The following CDH5 variants were observed in gnomAD, a reference collection of about 807,000 sequenced individuals.
CDH5 encodes the protein cadherin-5.
Under a neutral mutation model 62.0 loss-of-function variants are expected in CDH5, and 28 were observed. The ratio of observed to expected loss-of-function variants is 0.45; its 90% CI spans 0.33 to 0.62. CDH5 has a LOEUF of 0.62. Ranked by LOEUF, CDH5 falls within the 20% of genes least tolerant of loss-of-function variation. CDH5 has a pLI of 0.02. For synonymous variants in CDH5, 464 were observed against 445.8 expected, an observed-to-expected ratio of 1.04 and a Z score of -0.52; for missense variants, 940 against 1,065.1, an observed-to-expected ratio of 0.88 and a Z score of 1.63.
chr16:66,385,765 A>T (rs2344565), intron 2 of CDH5, among the ~76,000 whole-genome samples: 8 of 152,304 alleles, frequency 5.3e-5, no homozygotes, highest in Admixed American at 3.3e-4. Flanking sequence ...CAAAACAATT[A>T]GGAAGCGATG....
rs768449321 is a variant in CDH5, at chr16:66,403,211, C to T, written c.*42C>T. 4.8e-5 allele frequency: 75 copies of T among 1,548,216 alleles called. No individual in the cohort carries two copies. Among genetic ancestry groups the T allele is most frequent in the Non-Finnish European group, 6.3e-5 (72 of 1,146,642 alleles). ...TGGGCCTGGGGACCCAAACCCCCTG[C>T]AGCCCAGGCCAGTCAGACGCCAGGC... On this transcript the variant is annotated 3_prime_UTR_variant, in exon 12 of 12. Coordinates refer to ENST00000341529, the MANE Select transcript of CDH5 (RefSeq NM_001795.5). This position sits in a 1 kb window ranked among gnomAD's most constrained non-coding sequence, Gnocchi z 4.3.
rs199968343 is a variant in CDH5, at chr16:66,398,135, G to A, written c.1485+29G>A. On this transcript the variant is annotated intron_variant, in intron 9 of 11. Transcript: ENST00000341529. The stretch of plus-strand genomic sequence containing the variant: ...AGTCTGGTTCAGGTGGGAGGGGAAG[G>A]CAGCACCACCCTGGGGCAGGCTGGG... 559 of 1,613,948 alleles carry A rather than the reference G, an allele frequency of 3.5e-4. 3 individuals carry two copies. The highest frequency in any genetic ancestry group is 2.4e-3 in the South Asian group (215 of 91,074).
chr16:66,400,637 G>T, intron 10 of CDH5, 134 bp from the exon 11 acceptor site: 1 of 985,278 alleles, frequency 1.0e-6, no homozygotes, highest in East Asian at 2.4e-5. Flanking sequence ...AACAAGAGGC[G>T]CTGGGTGCAA....
rs112140637 is a variant in CDH5 at position 66,388,415 on chromosome 16, A to G, written c.591A>G (p.Lys197=). ...TCATGTACCAAATCCTGAAGGGGAAAGAGTATTTTGCCATCGATAATTCTG... is the reference window on the plus strand; with the variant it reads ...TCATGTACCAAATCCTGAAGGGGAAGGAGTATTTTGCCATCGATAATTCTG... ...ASVMYQILKG[K]EYFAIDNSGR... is the part of the protein sequence containing the mutation. Residue 197 remains lysine, a synonymous_variant, in exon 4 of 12, where the codon AAA becomes AAG. Transcript: ENST00000341529. 0.012 allele frequency: 19,274 copies of G among 1,612,532 alleles called. 241 individuals carry two copies. Among genetic ancestry groups the G allele is most frequent in the South Asian group, 0.042 (3,811 of 91,038 alleles).
chr16:66,393,733 T>C (rs1469023046), intron 7 of CDH5, among the ~76,000 whole-genome samples: 1 of 152,264 alleles, frequency 6.6e-6, no homozygotes, highest in Admixed American at 6.5e-5. Context: ...TTATTTGATA[T>C]AATTTTTTGT....
At position 66,392,131 on chromosome 16, in the gene CDH5, C is replaced by T. The variant is rs202090276; in HGVS notation, c.970-5C>T. The T allele has an allele frequency of 1.5e-5, 25 of 1,614,042 alleles. No homozygotes were observed. Among genetic ancestry groups the T allele is most frequent in the African/African-American group, 5.3e-5 (4 of 75,064 alleles). ...AGGCACTCACCATCCTTTTTCCTTA[C>T]GCAGCCTCTGGATTATGAATACATC... is the stretch of plus-strand genomic sequence containing the variant. On this transcript the variant is annotated splice_region_variant and splice_polypyrimidine_tract_variant and intron_variant, in intron 6 of 11. Transcript: ENST00000341529.
At chr16:66,383,155 A>G (rs1960926465) in intron 2 of CDH5, among the ~76,000 whole-genome samples, 1 of 152,198 alleles carries the variant, frequency 6.6e-6, no homozygotes, top group Non-Finnish European at 1.5e-5. Flanking sequence ...GCACTTAAAG[A>G]AACATGACAC....
chr16:66,400,842 G>A lies in CDH5; in HGVS notation c.1663G>A (p.Val555Met), dbSNP rs780362096. 48 of 1,614,178 alleles carry A rather than the reference G, an allele frequency of 3.0e-5. No homozygotes were observed. The highest frequency in any genetic ancestry group is 6.7e-5 in the East Asian group (3 of 44,888). ...REHTKVHFLPVVISDNGMPSR... is the reference protein window; with the variant it reads ...REHTKVHFLPMVISDNGMPSR... ...GCATACCAAGGTCCACTTCCTACCCGTGGTCATCTCAGACAATGGGATGCC... is the reference window on the plus strand; with the variant it reads ...GCATACCAAGGTCCACTTCCTACCCATGGTCATCTCAGACAATGGGATGCC... Residue 555 changes from valine (V) to methionine (M), a missense_variant, in exon 11 of 12, where the codon GTG (valine) becomes ATG (methionine). Coordinates refer to ENST00000341529, the MANE Select transcript of CDH5 (RefSeq NM_001795.5).
rs775792167 is a variant in CDH5, at chr16:66,402,701, C to A, written c.1887C>A (p.Arg629=). The A allele has an allele frequency of 4.8e-5, 77 of 1,608,548 alleles. No homozygotes were observed. The highest frequency in any genetic ancestry group is 6.4e-5 in the Non-Finnish European group (75 of 1,178,862). The change falls in exon 12 of 12, where the codon CGC becomes CGA. Residue 629 remains arginine, a synonymous_variant. Coordinates refer to ENST00000341529, the MANE Select transcript of CDH5 (RefSeq NM_001795.5). ...GGCGGCGGCTCCGGAAGCAGGCCCG[C>A]GCGCACGGCAAGAGCGTGCCGGAGA... is the stretch of plus-strand genomic sequence containing the variant. ...FLRRRLRKQA[R]AHGKSVPEIH...
At chr16:66,381,605 T>C (rs1461308523) in intron 2 of CDH5, among the ~76,000 whole-genome samples, 1 of 152,188 alleles carries the variant, frequency 6.6e-6, no homozygotes, top group African/African-American at 2.4e-5. Flanking sequence ...CATGTCAATG[T>C]GCTAGAGAAA....
At chr16:66,395,916 A>T in intron 7 of CDH5, 143 bp from the exon 8 acceptor site, 1 of 737,074 alleles carries the variant, frequency 1.4e-6, no homozygotes, top group Non-Finnish European at 2.2e-6. Flanking sequence ...CTCTTGTCTG[A>T]GTGGCAGAGT....
intron 2 of CDH5, among the ~76,000 whole-genome samples, chr16:66,380,544 C>G (rs1960878766): frequency 6.9e-6 from 1 of 145,466 alleles, no homozygotes. Context: ...TGGTGGTGAT[C>G]ATGGTGATGG....
intron 1 of CDH5, among the ~76,000 whole-genome samples, chr16:66,368,541 C>A (rs1300064127): frequency 6.6e-6 from 1 of 152,182 alleles, no homozygotes; most frequent in African/African-American, 2.4e-5. Context: ...CTTGGGGACA[C>A]CCAGGGGACA....
At position 66,403,655 on chromosome 16, in the gene CDH5, C is replaced by A. The variant is rs1424196149; in HGVS notation, c.*486C>A. The A allele has an allele frequency of 5.9e-6, 1 of 168,274 alleles. No homozygotes were observed. Among genetic ancestry groups the A allele is most frequent in the African/African-American group, 2.4e-5 (1 of 41,654 alleles). The allele number at this position is 168,274 out of a possible 1,614,324, so 10.4% of individuals were successfully genotyped here. On this transcript the variant is annotated 3_prime_UTR_variant, in exon 12 of 12. Coordinates refer to ENST00000341529, the MANE Select transcript of CDH5 (RefSeq NM_001795.5). The surrounding 1 kb of genome is among the most constrained non-coding windows in gnomAD (Gnocchi z 4.3). The stretch of plus-strand genomic sequence containing the variant: ...CAGCCCATTCCCAAGGGAGACTGAC[C>A]ATCATGCCCTCTCTCGGGAGCCCTA...
intron 7 of CDH5, chr16:66,395,503 CTTTTTTTT>C (rs56675642): frequency 1.2e-5 from 1 of 80,954 alleles, no homozygotes; most frequent in Non-Finnish European, 2.2e-5. Context: ...CTTTTCTTTT[CTTTTTTTT>C]TTTTTTTTTT....
intron 3 of CDH5, among the ~76,000 whole-genome samples, chr16:66,387,524 T>C (rs893768786): frequency 6.6e-6 from 1 of 152,206 alleles, no homozygotes; most frequent in Non-Finnish European, 1.5e-5. Context: ...CCCCTAGTCA[T>C]AGACTGAGCC....
intron 6 of CDH5, 53 bp downstream of exon 6, chr16:66,390,643 C>T: frequency 1.3e-6 from 2 of 1,534,698 alleles, no homozygotes; most frequent in Non-Finnish European, 9.0e-7. Flanking sequence ...GCTCTTGGCA[C>T]CCACAGGTCC....
At chr16:66,371,359 G>A (rs1348654833) in intron 1 of CDH5, among the ~76,000 whole-genome samples, 2 of 152,140 alleles carry the variant, frequency 1.3e-5, no homozygotes, top group African/African-American at 2.4e-5. Flanking sequence ...CCTCCTGCAT[G>A]TTCTAGGCCG....
rs141116499 is a variant in CDH5 at position 66,382,489 on chromosome 16, C to T, written c.210+2942C>T. ...GTCATACAGGAAAATGTCGTCAATC[C>T]ACCTGCATCCTTCCCGGTGGGATAA... On this transcript the variant is annotated intron_variant, in intron 2 of 11. Transcript: ENST00000341529. 2.6e-5 allele frequency among the ~76,000 whole-genome samples: 4 copies of T among 152,294 alleles called. No individual in the cohort carries two copies. In the East Asian group the frequency reaches 7.7e-4, roughly 29 times the overall value.
Sources: allele counts gnomAD v4.1 joint callset (sites outside exome capture counted in the v4.1 genomes callset), GRCh38; gene constraint gnomAD v4.1.1; non-coding constraint Gnocchi (gnomAD v3.1); transcripts MANE v1.5; gene names NCBI Gene and HGNC (gene_info 2026-07-23, HGNC 2026-07-21).